NGEF: variants seen among roughly 807,000 people sequenced by gnomAD.
NGEF encodes ephexin-1.
A neutral mutation model predicts 80.9 loss-of-function variants in NGEF; 31 were observed. The observed-to-expected ratio is 0.38, with a 90% CI of 0.29 to 0.52. The LOEUF (loss-of-function observed/expected upper bound fraction) is 0.52, where lower values mean the gene tolerates loss of function less well. Ranked by LOEUF, NGEF falls within the 20% of genes least tolerant of loss-of-function variation. The pLI is 0.84. For synonymous variants in NGEF, 371 were observed against 370.2 expected (o/e 1.00, Z -0.03); for missense variants, 709 against 926.2 (o/e 0.77, Z 3.04).
chr2:233,008,498 C>T (rs549194089), intron 1 of NGEF, among the ~76,000 whole-genome samples: 2 of 152,322 alleles, frequency 1.3e-5, no homozygotes, highest in Admixed American at 1.3e-4. Context: ...AGCAACACTC[C>T]AAAAGTCAGC....
chr2:232,991,041 A>T (rs533605868), intron 1 of NGEF, among the ~76,000 whole-genome samples: 1 of 152,266 alleles, frequency 6.6e-6, no homozygotes, highest in South Asian at 2.1e-4. Context: ...ACAACCCTTC[A>T]TAATAAAAAC....
chr2:232,985,197 G>C (rs1199242844), intron 1 of NGEF, among the ~76,000 whole-genome samples: 1 of 152,180 alleles, frequency 6.6e-6, no homozygotes, highest in African/African-American at 2.4e-5. Flanking sequence ...ATTGTCGGAA[G>C]ACCTGAGCAA....
intron 1 of NGEF, among the ~76,000 whole-genome samples, chr2:233,008,915 C>T (rs1442164709): frequency 6.6e-6 from 1 of 152,012 alleles, no homozygotes; most frequent in Non-Finnish European, 1.5e-5. Context: ...ATTCTCCTGC[C>T]TCAGCCTCCC....
At chr2:232,945,217 T>C (rs1325516149) in intron 3 of NGEF, among the ~76,000 whole-genome samples, 1 of 152,116 alleles carries the variant, frequency 6.6e-6, no homozygotes, top group Non-Finnish European at 1.5e-5. Context: ...TTAGTTCAAG[T>C]AATTTTTCAA....
At chr2:232,968,860 G>A (rs898804661) in intron 3 of NGEF, among the ~76,000 whole-genome samples, 4 of 152,092 alleles carry the variant, frequency 2.6e-5, no homozygotes, top group Non-Finnish European at 4.4e-5. Context: ...CTGGTGCCAC[G>A]CCCTTCCCTG....
At chr2:232,975,343 A>G (rs1694269193) in intron 1 of NGEF, among the ~76,000 whole-genome samples, 1 of 152,224 alleles carries the variant, frequency 6.6e-6, no homozygotes, top group Non-Finnish European at 1.5e-5. Flanking sequence ...AGAAAGTCTC[A>G]GAAGATGAGA....
intron 9 of NGEF, among the ~76,000 whole-genome samples, chr2:232,886,195 T>G (rs1691683507): frequency 1.3e-5 from 1 of 74,934 alleles, no homozygotes; most frequent in Admixed American, 1.3e-4. Context: ...CCATGTGTGC[T>G]GTGTGTGCTA....
chr2:232,972,271 C>T (rs1399268870), intron 2 of NGEF, among the ~76,000 whole-genome samples: 3 of 151,786 alleles, frequency 2.0e-5, no homozygotes, highest in Admixed American at 6.6e-5. Flanking sequence ...TCAAAGACTT[C>T]ATGCAAAAAA....
intron 1 of NGEF, among the ~76,000 whole-genome samples, chr2:232,992,655 T>C (rs1694673956): frequency 6.6e-6 from 1 of 152,020 alleles, no homozygotes; most frequent in Non-Finnish European, 1.5e-5. Context: ...CTAGAGTATA[T>C]AAAGAACTCA....
intron 4 of NGEF, among the ~76,000 whole-genome samples, chr2:232,923,014 G>A (rs958331944): frequency 6.6e-6 from 1 of 152,052 alleles, no homozygotes; most frequent in African/African-American, 2.4e-5. Flanking sequence ...AGGTTGCAGT[G>A]AGCTGAGATC....
chr2:232,950,542 G>T (rs1693656536), intron 3 of NGEF, among the ~76,000 whole-genome samples: 1 of 152,030 alleles, frequency 6.6e-6, no homozygotes, highest in African/African-American at 2.4e-5. Flanking sequence ...CAGGATCTGG[G>T]GCAGAGAGGA....
chr2:232,982,352 C>T (rs1000940946), intron 1 of NGEF, among the ~76,000 whole-genome samples: 1 of 152,152 alleles, frequency 6.6e-6, no homozygotes, highest in Non-Finnish European at 1.5e-5. Flanking sequence ...TTGAACCTAC[C>T]ATCAAGGGGG....
chr2:232,948,111 T>A lies in NGEF; in HGVS notation c.384-20925A>T, dbSNP rs546915734. Among the ~76,000 whole-genome samples, 16 of 150,670 alleles carry A rather than the reference T, an allele frequency of 1.1e-4. No individual in the cohort carries two copies. The Admixed American group carries it at 1.1e-3, about 10-fold the overall frequency. On this transcript the variant is annotated intron_variant, in intron 3 of 14. Transcript: ENST00000264051. ...GCTGTGAAAGACATTTTGAGGACAA[T>A]TGGGGGCCATGGGGTCATTTGAATA...
intron 1 of NGEF, among the ~76,000 whole-genome samples, chr2:232,982,949 C>A (rs533364583): frequency 6.6e-6 from 1 of 152,182 alleles, no homozygotes; most frequent in Admixed American, 6.5e-5. Flanking sequence ...GACAGTGGCC[C>A]CAGAAGACGC....
chr2:232,971,775 A>G (rs1377866976), intron 2 of NGEF, among the ~76,000 whole-genome samples: 1 of 152,218 alleles, frequency 6.6e-6, no homozygotes, highest in Non-Finnish European at 1.5e-5. Context: ...TGTTCTGTCT[A>G]TCTGGTGTCA....
chr2:232,986,383 T>C (rs917146553), intron 1 of NGEF, among the ~76,000 whole-genome samples: 8 of 151,000 alleles, frequency 5.3e-5, no homozygotes, highest in Non-Finnish European at 7.4e-5. Context: ...GGAAATAAAA[T>C]GAGCATCTTG....
chr2:232,951,517 T>C (rs909961742), intron 3 of NGEF, among the ~76,000 whole-genome samples: 6 of 152,328 alleles, frequency 3.9e-5, no homozygotes, highest in Admixed American at 3.3e-4. Context: ...TTCTACACTG[T>C]GGAGTCGAGG....
At chr2:232,998,602 G>A (rs1379935184) in intron 1 of NGEF, among the ~76,000 whole-genome samples, 1 of 152,044 alleles carries the variant, frequency 6.6e-6, no homozygotes, top group Non-Finnish European at 1.5e-5. Context: ...CCTCCATGCT[G>A]GGTGAAGCCT....
At chr2:233,006,757 A>C (rs10933423) in intron 1 of NGEF, among the ~76,000 whole-genome samples, 38,296 of 152,052 alleles carry the variant, frequency 0.25, 6,711 homozygotes, top group African/African-American at 0.49. Flanking sequence ...TATGATCTTT[A>C]CTGTACTTGT....
Sources: gnomAD v4.1 joint callset for allele counts (sites outside exome capture counted in the v4.1 genomes callset) on GRCh38, gnomAD v4.1.1 for gene constraint, MANE v1.5 for transcripts, NCBI Gene and HGNC (gene_info 2026-07-23, HGNC 2026-07-21) for gene names.